The following SPINK13 variants were observed in gnomAD, a reference collection of about 807,000 sequenced individuals.
The protein encoded by SPINK13 is serine protease inhibitor Kazal-type 13.
In SPINK13, 11 loss-of-function variants were observed where a neutral mutation model predicts 11.0. The observed-to-expected ratio is 1.00, with a 90% CI of 0.63 to 1.65. The LOEUF (loss-of-function observed/expected upper bound fraction) is 1.65. Among genes scored for constraint, SPINK13 ranks in the 40% most tolerant of loss-of-function variants. The pLI, the probability that SPINK13 is intolerant of heterozygous loss-of-function variation, is 0.00. For missense variants in SPINK13, 113 were observed against 117.7 expected (o/e 0.96, Z 0.19); for synonymous variants, 31 against 35.6 (o/e 0.87, Z 0.46).
In SPINK13 at chr5:148,284,646, T is replaced by C. The variant is rs79994138; in HGVS notation, c.237-1354T>C. On this transcript the variant is annotated intron_variant, in intron 4 of 4. Coordinates refer to ENST00000398450, the MANE Select transcript of SPINK13 (RefSeq NM_001040129.3). ...CTCGGGGCAAGAAGAATAGTCCTAA[T>C]GCTCTTTTGAACAATAGGAGGAGAA... Among the ~76,000 whole-genome samples the C allele has an allele frequency of 7.2e-3, 1,091 of 152,286 alleles. 66 individuals carry two copies. The East Asian group carries it at 0.14, about 20-fold the overall frequency.
At chr5:148,271,580 A>C (rs1756351187) in intron 2 of SPINK13, among the ~76,000 whole-genome samples, 1 of 152,106 alleles carries the variant, frequency 6.6e-6, no homozygotes, top group Non-Finnish European at 1.5e-5. Flanking sequence ...CATGGAAAAT[A>C]TATTTTTATA....
At chr5:148,285,733 A>G (rs1756579733) in intron 4 of SPINK13, among the ~76,000 whole-genome samples, 1 of 152,110 alleles carries the variant, frequency 6.6e-6, no homozygotes, top group African/African-American at 2.4e-5. Flanking sequence ...GTTGAATGGA[A>G]AGGTATTGAG....
chr5:148,273,391 AT>A (rs962696772), intron 2 of SPINK13, among the ~76,000 whole-genome samples: 28 of 151,986 alleles, frequency 1.8e-4, no homozygotes, highest in Admixed American at 7.2e-4. Flanking sequence ...GTATAGTTTT[AT>A]TTTTTTATGT....
rs567948952 is a variant in SPINK13 at position 148,276,644 on chromosome 5, T to C, written c.108+2260T>C. On this transcript the variant is annotated intron_variant, in intron 3 of 4. Transcript: ENST00000398450. Reference sequence around the variant, plus strand: ...GTTATTTCTGAGGCCTCTGTTCTGTTCCATTGGTCTATACAGCTGTTTTGG... The same window carrying C: ...GTTATTTCTGAGGCCTCTGTTCTGTCCCATTGGTCTATACAGCTGTTTTGG... Among the ~76,000 whole-genome samples the C allele has an allele frequency of 1.1e-3, 170 of 152,304 alleles. 1 individual carries two copies. The highest frequency in any genetic ancestry group is 3.9e-3 in the African/African-American group (164 of 41,560).
At chr5:148,269,526 T>G (rs1272307347) in intron 1 of SPINK13, among the ~76,000 whole-genome samples, 1 of 152,148 alleles carries the variant, frequency 6.6e-6, no homozygotes, top group Non-Finnish European at 1.5e-5. Flanking sequence ...GAAATTTAGC[T>G]GGGAAATAAA....
chr5:148,270,186 TA>T (rs775685173), intron 2 of SPINK13, 44 bp downstream of exon 2: 3 of 1,591,420 alleles, frequency 1.9e-6, no homozygotes, highest in Middle Eastern at 1.7e-4. Context: ...CTGATTTTCT[TA>T]AAGTTATAGG....
intron 3 of SPINK13, among the ~76,000 whole-genome samples, chr5:148,276,048 GTGA>G (rs1358209376): frequency 2.0e-5 from 3 of 152,160 alleles, no homozygotes; most frequent in African/African-American, 7.2e-5. Flanking sequence ...CTGATGACCA[GTGA>G]TGATGAGCGT....
At chr5:148,283,764 A>G (rs1184487012) in intron 4 of SPINK13, among the ~76,000 whole-genome samples, 14 of 152,156 alleles carry the variant, frequency 9.2e-5, no homozygotes, top group Non-Finnish European at 5.9e-5. Context: ...GAGACTTGGA[A>G]ATGTCTTTGT....
At chr5:148,274,049 C>T (rs988204377) in intron 2 of SPINK13, among the ~76,000 whole-genome samples, 8 of 151,886 alleles carry the variant, frequency 5.3e-5, no homozygotes, top group Non-Finnish European at 7.4e-5. Flanking sequence ...GAAGCTAAAG[C>T]CAATAAAAGT....
rs73795075 is a variant in SPINK13, at chr5:148,283,340, T to C, written c.236+1109T>C. 3.9e-3 allele frequency among the ~76,000 whole-genome samples: 588 copies of C among 152,336 alleles called. 3 individuals carry two copies. Among genetic ancestry groups the C allele is most frequent in the African/African-American group, 0.012 (485 of 41,582 alleles). ...GGTAAACAACAACAGGTGTTCATTA[T>C]AAATTTCATGGCTAGCATAAACTCT... On this transcript the variant is annotated intron_variant, in intron 4 of 4. Transcript: ENST00000398450.
rs1756526544 is a variant in SPINK13, at chr5:148,282,199, C to G, written c.204C>G (p.Phe68Leu). 1.2e-6 allele frequency: 2 copies of G among 1,614,174 alleles called. No homozygotes were observed. The highest frequency in any genetic ancestry group is 1.7e-6 in the Non-Finnish European group (2 of 1,180,038). The change falls in exon 4 of 5, where the codon TTC (phenylalanine) becomes TTG (leucine). Residue 68 changes from phenylalanine (F) to leucine (L), a missense_variant. Coordinates refer to ENST00000398450, the MANE Select transcript of SPINK13 (RefSeq NM_001040129.3). ...APVCASNGHT[F>L]QNECFFCVEQ... is the part of the protein sequence containing the mutation. ...TTTGTGCCTCAAATGGCCACACTTT[C>G]CAGAATGAGTGTTTCTTTTGTGTTG...
intron 3 of SPINK13, among the ~76,000 whole-genome samples, chr5:148,278,113 C>T (rs780968985): frequency 5.3e-5 from 8 of 152,192 alleles, no homozygotes; most frequent in East Asian, 1.9e-4. Context: ...AGGGATTGCT[C>T]GTGATATCCC....
chr5:148,279,565 C>T (rs1270683854), intron 3 of SPINK13, among the ~76,000 whole-genome samples: 1 of 152,118 alleles, frequency 6.6e-6, no homozygotes, highest in Admixed American at 6.6e-5. Flanking sequence ...ATATGAAATT[C>T]TGGGTTGAAA....
intron 3 of SPINK13, among the ~76,000 whole-genome samples, chr5:148,276,154 T>G (rs973133090): frequency 2.0e-5 from 3 of 152,204 alleles, no homozygotes; most frequent in African/African-American, 4.8e-5. Context: ...TGTTTTTTTC[T>G]TATAAATTTG....
At chr5:148,272,411 A>G (rs1159700080) in intron 2 of SPINK13, among the ~76,000 whole-genome samples, 1 of 152,196 alleles carries the variant, frequency 6.6e-6, no homozygotes, top group East Asian at 1.9e-4. Flanking sequence ...TGCAATATAT[A>G]AATTGAGATT....
rs758329811 is a variant in SPINK13 at position 148,274,388 on chromosome 5, A to C, written c.108+4A>C. 25 of 1,610,200 alleles carry C rather than the reference A, an allele frequency of 1.6e-5. No homozygotes were observed. In the East Asian group the frequency reaches 5.6e-4, roughly 36 times the overall value. ...TGACTTCACTAGGTGGCCTAAGGTAAATTTAAATTTCTCAGTTCTAGGTTG... is the reference window on the plus strand; with the variant it reads ...TGACTTCACTAGGTGGCCTAAGGTACATTTAAATTTCTCAGTTCTAGGTTG... On this transcript the variant is annotated splice_donor_region_variant and intron_variant, in intron 3 of 4. Coordinates refer to ENST00000398450, the MANE Select transcript of SPINK13 (RefSeq NM_001040129.3).
chr5:148,271,905 G>A (rs1043433428), intron 2 of SPINK13, among the ~76,000 whole-genome samples: 2 of 151,780 alleles, frequency 1.3e-5, no homozygotes, highest in Non-Finnish European at 1.5e-5. Flanking sequence ...TTACAGGCGT[G>A]AGCCACCACG....
At chr5:148,281,991 A>C in intron 3 of SPINK13, 113 bp from the exon 4 acceptor site, 1 of 1,427,286 alleles carries the variant, frequency 7.0e-7, no homozygotes, top group Non-Finnish European at 9.5e-7. Context: ...CCTTGATAAG[A>C]TCAATTGACT....
Position 148,282,213 on chromosome 5 carries a change from T to C in SPINK13, c.218T>C (p.Phe73Ser). The C allele has an allele frequency of 6.2e-7, 1 of 1,614,226 alleles. No homozygotes were observed. The highest frequency in any genetic ancestry group is 8.5e-7 in the Non-Finnish European group (1 of 1,180,034). ...SNGHTFQNEC[F>S]FCVEQREFHY... ...GGCCACACTTTCCAGAATGAGTGTTTCTTTTGTGTTGAACAGAGGTAAGTT... is the reference window on the plus strand; with the variant it reads ...GGCCACACTTTCCAGAATGAGTGTTCCTTTTGTGTTGAACAGAGGTAAGTT... Residue 73 changes from phenylalanine to serine, a missense_variant, in exon 4 of 5, where the codon TTC becomes TCC. Transcript: ENST00000398450.
Sources: allele counts gnomAD v4.1 joint callset (sites outside exome capture counted in the v4.1 genomes callset), GRCh38; gene constraint gnomAD v4.1.1; transcripts MANE v1.5; gene names NCBI Gene and HGNC (gene_info 2026-07-23, HGNC 2026-07-21).